GALNT13: variants seen among roughly 807,000 people sequenced by gnomAD.
GALNT13 encodes the protein polypeptide N-acetylgalactosaminyltransferase 13.
In GALNT13, 28 loss-of-function variants were observed where a neutral mutation model predicts 64.2. The ratio of observed to expected loss-of-function variants is 0.44; its 90% CI spans 0.32 to 0.60. GALNT13 has a LOEUF of 0.60. Among genes scored for constraint, GALNT13 ranks in the 20% least tolerant of loss-of-function variants. The pLI is 0.05. For synonymous variants in GALNT13, 214 were observed against 224.6 expected (o/e 0.95, Z 0.42); for missense variants, 577 against 669.8 (o/e 0.86, Z 1.53).
At chr2:154,009,670 A>G (rs1030386156) in intron 3 of GALNT13, among the ~76,000 whole-genome samples, 5 of 151,962 alleles carry the variant, frequency 3.3e-5, no homozygotes, top group African/African-American at 1.2e-4. Context: ...TTATAGTTTT[A>G]GTAGAGAGGG....
chr2:153,788,357 T>A, the GALNT13 span, among the ~76,000 whole-genome samples: 1 of 151,154 alleles, frequency 6.6e-6, no homozygotes, highest in Non-Finnish European at 1.5e-5. Flanking sequence ...ACTTCATAAC[T>A]GAAGGAAAAA....
chr2:153,232,992 G>A, the GALNT13 span, among the ~76,000 whole-genome samples: 1 of 152,114 alleles, frequency 6.6e-6, no homozygotes, highest in Admixed American at 6.6e-5. Context: ...CCCTTGACCT[G>A]TAGAATAGTT....
chr2:153,318,261 T>C, the GALNT13 span, among the ~76,000 whole-genome samples: 1 of 152,102 alleles, frequency 6.6e-6, no homozygotes, highest in African/African-American at 2.4e-5. Flanking sequence ...CTCTTATTCA[T>C]GTGATTGGCG....
chr2:154,355,242 T>G (rs1696670978), intron 9 of GALNT13, among the ~76,000 whole-genome samples: 1 of 152,106 alleles, frequency 6.6e-6, no homozygotes, highest in African/African-American at 2.4e-5. Flanking sequence ...ATTTAATTTT[T>G]GCAGTAATTC....
chr2:153,150,959 CT>C, the GALNT13 span, among the ~76,000 whole-genome samples: 10 of 151,978 alleles, frequency 6.6e-5, no homozygotes, highest in African/African-American at 2.4e-4. Flanking sequence ...AATGCGGGCT[CT>C]TTTTTGGTTC....
the GALNT13 span, among the ~76,000 whole-genome samples, chr2:153,610,827 AT>A: frequency 6.6e-6 from 1 of 152,220 alleles, no homozygotes. Flanking sequence ...GAAGATATGA[AT>A]TGTATTAATA....
At chr2:153,437,502 G>A in the GALNT13 span, among the ~76,000 whole-genome samples, 1 of 151,398 alleles carries the variant, frequency 6.6e-6, no homozygotes, top group Admixed American at 6.6e-5. Flanking sequence ...TTATGAATCT[G>A]GGTGCTCCTG....
intron 3 of GALNT13, among the ~76,000 whole-genome samples, chr2:154,001,707 A>G (rs1315076833): frequency 1.3e-5 from 2 of 152,042 alleles, no homozygotes; most frequent in Non-Finnish European, 2.9e-5. Context: ...TTTACAGGCC[A>G]CAATTACAGT....
At chr2:154,053,244 G>T (rs1699734000) in intron 3 of GALNT13, among the ~76,000 whole-genome samples, 1 of 152,142 alleles carries the variant, frequency 6.6e-6, no homozygotes. Flanking sequence ...CTGTGAACTG[G>T]TTGAGTAAAT....
At position 154,295,815 on chromosome 2, in the gene GALNT13, T is replaced by C. The variant is rs905453624; in HGVS notation, c.976-5594T>C. ...GGGGTTTGTGGGTTGCCTTCCCCAA[T>C]GGGTAGGGTGAAATGGGAAGGCTAG... On this transcript the variant is annotated intron_variant, in intron 8 of 12. Transcript: ENST00000392825. Among the ~76,000 whole-genome samples the C allele has an allele frequency of 4.2e-4, 64 of 152,236 alleles. 1 individual carries two copies. Among genetic ancestry groups the C allele is most frequent in the Admixed American group, 2.6e-4 (4 of 15,290 alleles).
At chr2:153,103,249 A>G in the GALNT13 span, among the ~76,000 whole-genome samples, 1 of 151,912 alleles carries the variant, frequency 6.6e-6, no homozygotes, top group Non-Finnish European at 1.5e-5. Context: ...CATCTTGTTC[A>G]CTGTTCCCGC....
At chr2:153,360,681 C>T in the GALNT13 span, among the ~76,000 whole-genome samples, 1 of 152,250 alleles carries the variant, frequency 6.6e-6, no homozygotes, top group East Asian at 1.9e-4. Flanking sequence ...GTAACTCCAA[C>T]AACTCCAGCC....
the GALNT13 span, among the ~76,000 whole-genome samples, chr2:153,090,153 C>T: frequency 7.2e-5 from 11 of 152,296 alleles, no homozygotes; most frequent in African/African-American, 2.4e-4. Context: ...GATCCTTTGG[C>T]GTGGTGCTCT....
chr2:153,415,112 A>T, the GALNT13 span, among the ~76,000 whole-genome samples: 3 of 150,110 alleles, frequency 2.0e-5, no homozygotes, highest in Non-Finnish European at 4.4e-5. Context: ...GCTACATGTT[A>T]AAAAAAAGGA....
chr2:153,265,353 C>T, the GALNT13 span, among the ~76,000 whole-genome samples: 399 of 152,262 alleles, frequency 2.6e-3, 4 homozygotes, highest in Admixed American at 0.014. Flanking sequence ...GGTCTGATGG[C>T]TGGAATGGAC....
chr2:153,420,796 A>C, the GALNT13 span: 1 of 232,190 alleles, frequency 4.3e-6, no homozygotes, highest in Non-Finnish European at 9.6e-6. Context: ...CCCATTTCCC[A>C]GTGAACAAAG....
At chr2:153,454,189 A>T in the GALNT13 span, among the ~76,000 whole-genome samples, 1 of 152,150 alleles carries the variant, frequency 6.6e-6, no homozygotes, top group Non-Finnish European at 1.5e-5. Context: ...TACTTGGGTG[A>T]CAAGATCAAT....
intron 9 of GALNT13, among the ~76,000 whole-genome samples, chr2:154,330,536 G>A (rs1169237330): frequency 6.6e-6 from 1 of 151,974 alleles, no homozygotes; most frequent in African/African-American, 2.4e-5. Context: ...CTTAACTGAC[G>A]AGGCTGTGTG....
At chr2:153,361,126 C>T in the GALNT13 span, among the ~76,000 whole-genome samples, 1 of 151,994 alleles carries the variant, frequency 6.6e-6, no homozygotes. Context: ...ACCACAGCAG[C>T]CCTGCAAAAG....
Sources: gnomAD v4.1 joint callset for allele counts (sites outside exome capture counted in the v4.1 genomes callset) on GRCh38, gnomAD v4.1.1 for gene constraint, MANE v1.5 for transcripts, NCBI Gene and HGNC (gene_info 2026-07-23, HGNC 2026-07-21) for gene names.